The following GFRA2 variants were observed in gnomAD, a reference collection of about 807,000 sequenced individuals.
GFRA2 encodes the protein GDNF family receptor alpha 2.
A neutral mutation model predicts 48.3 loss-of-function variants in GFRA2; 17 were observed. The ratio of observed to expected loss-of-function variants is 0.35; its 90% CI spans 0.24 to 0.53. The LOEUF (loss-of-function observed/expected upper bound fraction) is 0.53. GFRA2 is among the 20% of genes least tolerant of loss of function. The pLI is 0.93. For missense variants in GFRA2, 660 were observed against 637.3 expected (o/e 1.04, Z -0.38); for synonymous variants, 305 against 257.2 (o/e 1.19, Z -1.78).
intron 2 of GFRA2, among the ~76,000 whole-genome samples, chr8:21,797,287 CTTTT>C (rs1159867192): frequency 9.3e-5 from 8 of 85,646 alleles, no homozygotes; most frequent in Non-Finnish European, 1.5e-4. Context: ...CCTTTCTTTG[CTTTT>C]TTTTTTTTTT....
chr8:21,806,290 A>G (rs1486516139), intron 1 of GFRA2, among the ~76,000 whole-genome samples: 3 of 152,216 alleles, frequency 2.0e-5, no homozygotes, highest in Non-Finnish European at 4.4e-5. Flanking sequence ...TATGCATGCA[A>G]CCATTCTGTT....
intron 4 of GFRA2, among the ~76,000 whole-genome samples, chr8:21,733,757 C>T (rs1804314099): frequency 6.6e-6 from 1 of 152,146 alleles, no homozygotes; most frequent in South Asian, 2.1e-4. Flanking sequence ...GGGATAGAGG[C>T]TGAGGTTTGA....
At chr8:21,796,557 G>A (rs2117108005) in intron 2 of GFRA2, among the ~76,000 whole-genome samples, 1 of 152,390 alleles carries the variant, frequency 6.6e-6, no homozygotes, top group East Asian at 1.9e-4. Context: ...ACAGAAACTA[G>A]TGTTTCTCTC....
At chr8:21,770,420 G>T (rs1806386514) in intron 3 of GFRA2, among the ~76,000 whole-genome samples, 1 of 152,228 alleles carries the variant, frequency 6.6e-6, no homozygotes. Flanking sequence ...GCTCCAGGCT[G>T]GGGGAGAGGA....
Position 21,750,978 on chromosome 8 carries a change from AC to A in GFRA2, c.440-37del. ...AACAAGAGAGCAGGTCAGAGGCCAC[AC>A]AAGCATGAGGAGGACACAGCTGCCC... On this transcript the variant is annotated intron_variant, in intron 3 of 8. Coordinates refer to ENST00000524240, the MANE Select transcript of GFRA2 (RefSeq NM_001495.5). This position sits in a 1 kb window ranked among gnomAD's most constrained non-coding sequence, Gnocchi z 5.7. 7.0e-7 allele frequency: 1 copy of A among 1,437,006 alleles called. No individual in the cohort carries two copies. The highest frequency in any genetic ancestry group is 9.7e-7 in the Non-Finnish European group (1 of 1,035,152). The allele number at this position is 1,437,006 out of a possible 1,614,324, so 89.0% of individuals were successfully genotyped here. A position where few individuals can be genotyped will look rare whatever the true frequency, so the allele number is the denominator to read the frequency against.
intron 4 of GFRA2, among the ~76,000 whole-genome samples, chr8:21,730,095 A>G (rs1004742664): frequency 6.6e-6 from 1 of 152,088 alleles, no homozygotes; most frequent in Non-Finnish European, 1.5e-5. Context: ...TTACGGCACG[A>G]GAAGGGACCT....
At chr8:21,799,387 T>G (rs1807732584) in intron 2 of GFRA2, among the ~76,000 whole-genome samples, 2 of 152,032 alleles carry the variant, frequency 1.3e-5, no homozygotes, top group African/African-American at 4.8e-5. Flanking sequence ...CCAGCTAAAT[T>G]TTTTGTATTT....
At chr8:21,808,623 T>G (rs1416248923) in intron 1 of GFRA2, among the ~76,000 whole-genome samples, 1 of 152,156 alleles carries the variant, frequency 6.6e-6, no homozygotes, top group African/African-American at 2.4e-5. Flanking sequence ...TCAGGGAGGT[T>G]TGGCATTAAT....
Position 21,788,299 on chromosome 8 carries a change from G to T in GFRA2, c.-140C>A. ...GGAGATCCCAGCTAGTCCACCCGAT[G>T]AAGATCCCGAGTCCTGCGATTCTCG... is the stretch of plus-strand genomic sequence containing the variant. On this transcript the variant is annotated 5_prime_UTR_variant, in exon 1 of 9. Transcript: ENST00000524240. 3.6e-6 allele frequency: 5 copies of T among 1,380,104 alleles called. No homozygotes were observed. The highest frequency in any genetic ancestry group is 4.7e-6 in the Non-Finnish European group (5 of 1,063,928). The allele number at this position is 1,380,104 out of a possible 1,614,324, so 85.5% of individuals were successfully genotyped here. A position where few individuals can be genotyped will look rare whatever the true frequency, so the allele number is the denominator to read the frequency against.
intron 2 of GFRA2, among the ~76,000 whole-genome samples, chr8:21,800,680 T>C (rs1807754587): frequency 6.6e-6 from 1 of 152,142 alleles, no homozygotes; most frequent in Admixed American, 6.5e-5. Context: ...ATCCCAGTAT[T>C]TTGGGAGGCC....
intron 2 of GFRA2, among the ~76,000 whole-genome samples, chr8:21,798,472 G>A (rs1024399789): frequency 6.6e-5 from 10 of 152,144 alleles, no homozygotes; most frequent in Non-Finnish European, 1.2e-4. Context: ...CTTCCATCCA[G>A]TTCACCTCAT....
chr8:21,700,360 T>C (rs748695032), intron 7 of GFRA2, among the ~76,000 whole-genome samples: 1 of 152,212 alleles, frequency 6.6e-6, no homozygotes, highest in Non-Finnish European at 1.5e-5. Flanking sequence ...GGCCAAAGCC[T>C]GAAGGAGACA....
chr8:21,771,951 A>G (rs1456413752), intron 3 of GFRA2, among the ~76,000 whole-genome samples: 4 of 152,168 alleles, frequency 2.6e-5, no homozygotes, highest in Non-Finnish European at 4.4e-5. Flanking sequence ...GCTCTAGTGC[A>G]GGTCTTGGGA....
chr8:21,769,339 A>G (rs1806335078), intron 3 of GFRA2: 1 of 151,214 alleles, frequency 6.6e-6, no homozygotes. Context: ...AGATACTCCT[A>G]AGATGTCACA....
intron 4 of GFRA2, among the ~76,000 whole-genome samples, chr8:21,723,077 G>A (rs905464950): frequency 3.9e-5 from 6 of 152,262 alleles, no homozygotes; most frequent in East Asian, 1.9e-4. Context: ...ATCAGGACCC[G>A]GGTGCTTCTG....
chr8:21,699,963 C>T (rs759448043), intron 7 of GFRA2, among the ~76,000 whole-genome samples: 7 of 152,178 alleles, frequency 4.6e-5, no homozygotes, highest in African/African-American at 1.2e-4. Flanking sequence ...GAACACATCA[C>T]GATGGGGCCA....
chr8:21,788,491 G>A lies in GFRA2; in HGVS notation c.-332C>T, dbSNP rs1807398253. 2.8e-6 allele frequency: 3 copies of A among 1,079,470 alleles called. No homozygotes were observed. The highest frequency in any genetic ancestry group is 5.4e-5 in the Admixed American group (1 of 18,526). The allele number at this position is 1,079,470 out of a possible 1,614,324, so 66.9% of individuals were successfully genotyped here. A position where few individuals can be genotyped will look rare whatever the true frequency, so the allele number is the denominator to read the frequency against. ...CCTCCAATCGTCCGGGAAGGCGTGA[G>A]TCCCCGCGGGTCCAATTCCCCTGCG... On this transcript the variant is annotated 5_prime_UTR_variant, in exon 1 of 9. Coordinates refer to ENST00000524240, the MANE Select transcript of GFRA2 (RefSeq NM_001495.5).
chr8:21,788,493 C>A lies in GFRA2; in HGVS notation c.-334G>T. On this transcript the variant is annotated 5_prime_UTR_variant, in exon 1 of 9. Coordinates refer to ENST00000524240, the MANE Select transcript of GFRA2 (RefSeq NM_001495.5). ...TCCAATCGTCCGGGAAGGCGTGAGT[C>A]CCCGCGGGTCCAATTCCCCTGCGCT... The A allele has an allele frequency of 9.3e-7, 1 of 1,078,780 alleles. No individual in the cohort carries two copies. The highest frequency in any genetic ancestry group is 1.1e-6 in the Non-Finnish European group (1 of 891,598). The allele number at this position is 1,078,780 out of a possible 1,614,324, so 66.8% of individuals were successfully genotyped here. A position where few individuals can be genotyped will look rare whatever the true frequency, so the allele number is the denominator to read the frequency against.
intron 1 of GFRA2, among the ~76,000 whole-genome samples, chr8:21,809,600 T>G (rs1161730477): frequency 6.6e-6 from 1 of 152,220 alleles, no homozygotes; most frequent in Non-Finnish European, 1.5e-5. Context: ...GTGCTAGGAT[T>G]ACAGGCGTGA....
Sources: gnomAD v4.1 joint callset for allele counts (sites outside exome capture counted in the v4.1 genomes callset) on GRCh38, gnomAD v4.1.1 for gene constraint, Gnocchi (gnomAD v3.1) non-coding constraint, MANE v1.5 for transcripts, NCBI Gene and HGNC (gene_info 2026-07-23, HGNC 2026-07-21) for gene names.